IQGAP2: variants seen among roughly 807,000 people sequenced by gnomAD.
IQGAP2 encodes ras GTPase-activating-like protein IQGAP2.
IQGAP2 carries 173 observed loss-of-function variants against 201.3 expected under a neutral mutation model. The ratio of observed to expected loss-of-function variants is 0.86; its 90% CI spans 0.76 to 0.98. The LOEUF is 0.98. Ranked by LOEUF, IQGAP2 falls within the 50% of genes least tolerant of loss-of-function variation. The pLI is 0.00. For missense variants in IQGAP2, 1,687 were observed against 1,864.8 expected (o/e 0.90, Z 1.76); for synonymous variants, 675 against 673.9 (o/e 1.00, Z -0.03).
chr5:76,452,156 T>C (rs1308776892), intron 1 of IQGAP2, among the ~76,000 whole-genome samples: 1 of 149,774 alleles, frequency 6.7e-6, no homozygotes, highest in Non-Finnish European at 1.5e-5. Context: ...AGAACAAATC[T>C]GACCTCAGGT....
chr5:76,554,150 A>G (rs1178825297), intron 2 of IQGAP2, among the ~76,000 whole-genome samples: 1 of 152,332 alleles, frequency 6.6e-6, no homozygotes, highest in East Asian at 1.9e-4. Context: ...CTGGGTAGCC[A>G]CATGCAAAAG....
intron 5 of IQGAP2, among the ~76,000 whole-genome samples, chr5:76,580,043 A>T (rs140852723): frequency 6.6e-6 from 1 of 152,338 alleles, no homozygotes; most frequent in African/African-American, 2.4e-5. Flanking sequence ...TGGGAGGCTG[A>T]GGCAGGCAGA....
At chr5:76,513,710 G>T (rs1407013531) in intron 2 of IQGAP2, among the ~76,000 whole-genome samples, 1 of 152,200 alleles carries the variant, frequency 6.6e-6, no homozygotes, top group Non-Finnish European at 1.5e-5. Context: ...GCTAAGGGGA[G>T]GGAGGGATGA....
chr5:76,673,562 C>G lies in IQGAP2; in HGVS notation c.3182C>G (p.Ser1061Cys). The G allele has an allele frequency of 1.2e-6, 2 of 1,613,966 alleles. No homozygotes were observed. Among genetic ancestry groups the G allele is most frequent in the Non-Finnish European group, 1.7e-6 (2 of 1,179,900 alleles). ...LRRVTDKVLN[S>C]IISSLDLLPY... The stretch of plus-strand genomic sequence containing the variant: ...AGGGTCACCGACAAAGTCCTGAATT[C>G]TATCATTTCTTCCCTTGATCTACTG... Residue 1061 changes from serine to cysteine, a missense_variant, in exon 25 of 36, where the codon TCT (serine) becomes TGT (cysteine). By Grantham distance (112) the Ser-to-Cys change is moderately radical. Coordinates refer to ENST00000274364, the MANE Select transcript of IQGAP2 (RefSeq NM_006633.5).
chr5:76,543,760 C>T (rs113965829), intron 2 of IQGAP2, among the ~76,000 whole-genome samples: 2,584 of 152,244 alleles, frequency 0.017, 68 homozygotes, highest in African/African-American at 0.058. Context: ...TCTTGCCCCT[C>T]CCTCCTAAAA....
chr5:76,534,803 T>C (rs969287008), intron 2 of IQGAP2, among the ~76,000 whole-genome samples: 11 of 152,244 alleles, frequency 7.2e-5, no homozygotes, highest in African/African-American at 2.4e-4. Flanking sequence ...ACTGGGGAAG[T>C]AGCCCAAATC....
At chr5:76,471,361 A>G (rs1373490336) in intron 2 of IQGAP2, among the ~76,000 whole-genome samples, 22 of 71,004 alleles carry the variant, frequency 3.1e-4, no homozygotes, top group African/African-American at 1.2e-3. Flanking sequence ...AAAATAAACT[A>G]AGCAAAAAAA....
chr5:76,617,741 A>G, intron 13 of IQGAP2: 15 of 1,613,962 alleles, frequency 9.3e-6, no homozygotes, highest in Non-Finnish European at 1.3e-5. Context: ...CATGGTGAAT[A>G]ATAAGAATAA....
intron 1 of IQGAP2, among the ~76,000 whole-genome samples, chr5:76,435,317 T>C (rs934483965): frequency 6.6e-6 from 1 of 152,190 alleles, no homozygotes; most frequent in African/African-American, 2.4e-5. Context: ...TCTCCTATAA[T>C]TTTTATGGTT....
At chr5:76,705,696 GT>G (rs1747831795) in intron 35 of IQGAP2, among the ~76,000 whole-genome samples, 1 of 152,196 alleles carries the variant, frequency 6.6e-6, no homozygotes, top group African/African-American at 2.4e-5. Flanking sequence ...TAATGTAGGG[GT>G]TTTCTTAAGT....
chr5:76,578,335 A>G (rs1216950783), intron 5 of IQGAP2, among the ~76,000 whole-genome samples: 4 of 150,264 alleles, frequency 2.7e-5, no homozygotes, highest in Non-Finnish European at 5.9e-5. Flanking sequence ...TTTTTTTGAG[A>G]TGGAGTCTCA....
chr5:76,422,977 G>A (rs1751806494), intron 1 of IQGAP2, among the ~76,000 whole-genome samples: 1 of 152,238 alleles, frequency 6.6e-6, no homozygotes, highest in Non-Finnish European at 1.5e-5. Flanking sequence ...CCAAGGTACA[G>A]CTAGTAAGTG....
At chr5:76,679,507 T>C (rs1745101385) in intron 28 of IQGAP2, among the ~76,000 whole-genome samples, 1 of 152,210 alleles carries the variant, frequency 6.6e-6, no homozygotes, top group African/African-American at 2.4e-5. Context: ...TTGCCAAGCC[T>C]GTGGCCATGT....
intron 2 of IQGAP2, among the ~76,000 whole-genome samples, chr5:76,496,066 G>A (rs1387451241): frequency 6.6e-6 from 1 of 152,226 alleles, no homozygotes; most frequent in African/African-American, 2.4e-5. Context: ...GCAGCCCTCA[G>A]CGGAGGCATG....
chr5:76,528,867 A>G (rs1759123808), intron 2 of IQGAP2, among the ~76,000 whole-genome samples: 1 of 152,210 alleles, frequency 6.6e-6, no homozygotes, highest in Non-Finnish European at 1.5e-5. Context: ...TTGAAGGGCT[A>G]TTCTATAGAC....
chr5:76,498,270 A>G (rs1757095775), intron 2 of IQGAP2, among the ~76,000 whole-genome samples: 1 of 152,216 alleles, frequency 6.6e-6, no homozygotes, highest in Non-Finnish European at 1.5e-5. Flanking sequence ...ACTCTTCTGA[A>G]TGCCACATAT....
intron 2 of IQGAP2, among the ~76,000 whole-genome samples, chr5:76,474,394 G>A (rs1262419096): frequency 6.6e-6 from 1 of 152,168 alleles, no homozygotes. Context: ...TTGGTTAAAT[G>A]CTGCAAATGG....
intron 23 of IQGAP2, among the ~76,000 whole-genome samples, chr5:76,670,223 A>T (rs1309790032): frequency 6.6e-6 from 1 of 152,140 alleles, no homozygotes; most frequent in Non-Finnish European, 1.5e-5. Context: ...CAAAAAATAA[A>T]CAAAAAGGCC....
chr5:76,499,892 G>T (rs970181287), intron 2 of IQGAP2, among the ~76,000 whole-genome samples: 30 of 152,256 alleles, frequency 2.0e-4, no homozygotes, highest in African/African-American at 7.0e-4. Context: ...GATTGCTTGA[G>T]CCCAGGAGTT....
Sources: gnomAD v4.1 joint callset for allele counts (sites outside exome capture counted in the v4.1 genomes callset) on GRCh38, gnomAD v4.1.1 for gene constraint, MANE v1.5 for transcripts, NCBI Gene and HGNC (gene_info 2026-07-23, HGNC 2026-07-21) for gene names.